Variants in DDX23 observed in about 807,000 individuals in gnomAD.
DDX23 encodes the protein DEAD-box helicase 23.
DDX23 carries 33 observed loss-of-function variants against 102.7 expected under a neutral mutation model. The ratio of observed to expected loss-of-function variants is 0.32; its 90% CI spans 0.24 to 0.43. The LOEUF (loss-of-function observed/expected upper bound fraction) is 0.43. Ranked by LOEUF, DDX23 falls within the 20% of genes least tolerant of loss-of-function variation. The pLI, the probability that DDX23 is intolerant of heterozygous loss-of-function variation, is 1.00. For missense variants in DDX23, 549 were observed against 1,086.6 expected (o/e 0.51, Z 6.96); for synonymous variants, 352 against 376.0 (o/e 0.94, Z 0.74).
At chr12:48,843,363 C>T (rs1007192585) in intron 3 of DDX23, among the ~76,000 whole-genome samples, 3 of 151,170 alleles carry the variant, frequency 2.0e-5, no homozygotes, top group African/African-American at 7.3e-5. Context: ...ACTCAGGAGG[C>T]TGAGGTGGGT....
At chr12:48,833,006 G>C in intron 13 of DDX23, 1 of 502,522 alleles carries the variant, frequency 2.0e-6, no homozygotes, top group Non-Finnish European at 3.5e-6. Context: ...TTTGAGACAG[G>C]GCCTCACTCT....
At chr12:48,841,535 C>A (rs1296171182) in intron 3 of DDX23, among the ~76,000 whole-genome samples, 1 of 152,220 alleles carries the variant, frequency 6.6e-6, no homozygotes, top group Non-Finnish European at 1.5e-5. Flanking sequence ...GTACTGCTGC[C>A]ATCTCGGCTC....
intron 1 of DDX23, among the ~76,000 whole-genome samples, chr12:48,849,711 TC>T (rs1236437268): frequency 1.3e-5 from 2 of 151,144 alleles, no homozygotes; most frequent in African/African-American, 4.9e-5. Context: ...ACACTTGTAA[TC>T]CTAGCACTTT....
Position 48,836,815 on chromosome 12 carries a change from T to C in DDX23, c.1011-21A>G. ...TTGCCCTGGAGCAGGGTGTGAGGAG[T>C]AAGTAGAATCAGTGCCCTCCAACTC... is the stretch of plus-strand genomic sequence containing the variant. On this transcript the variant is annotated intron_variant, in intron 9 of 16. Coordinates refer to ENST00000308025, the MANE Select transcript of DDX23 (RefSeq NM_004818.3). The surrounding 1 kb of genome is among the most constrained non-coding windows in gnomAD (Gnocchi z 6.1). The C allele has an allele frequency of 6.2e-7, 1 of 1,613,108 alleles. No homozygotes were observed. The highest frequency in any genetic ancestry group is 8.5e-7 in the Non-Finnish European group (1 of 1,179,266).
rs370861225 is a variant in DDX23 at position 48,845,328 on chromosome 12, G to A, written c.209+246C>T. The stretch of plus-strand genomic sequence containing the variant: ...TAGCCGGGCATGGTGTCGGGCGCCT[G>A]TAGTCCCAGCTACGCACTCAGGAGG... On this transcript the variant is annotated intron_variant, in intron 2 of 16. Coordinates refer to ENST00000308025, the MANE Select transcript of DDX23 (RefSeq NM_004818.3). Among the ~76,000 whole-genome samples the A allele has an allele frequency of 8.5e-5, 13 of 152,054 alleles. No individual in the cohort carries two copies. The East Asian group carries it at 2.5e-3, about 29-fold the overall frequency.
In DDX23 at chr12:48,836,171, G is replaced by A; in HGVS notation, c.1332C>T (p.Ala444=). ...TCCAGACCAGCAGAGGGATGAGGAA[G>A]GCTGCTGTCTTGCCACTGCCAGTCT... ...VAETGSGKTA[A]FLIPLLVWIT... is the part of the protein sequence containing the mutation. Residue 444 remains alanine (A), a synonymous_variant, in exon 11 of 17, where the codon GCC becomes GCT. Transcript: ENST00000308025. This position sits in a 1 kb window ranked among gnomAD's most constrained non-coding sequence, Gnocchi z 6.1. The A allele has an allele frequency of 6.2e-7, 1 of 1,613,726 alleles. No individual in the cohort carries two copies. Among genetic ancestry groups the A allele is most frequent in the Non-Finnish European group, 8.5e-7 (1 of 1,180,038 alleles).
intron 1 of DDX23, among the ~76,000 whole-genome samples, chr12:48,846,424 T>A (rs549978906): frequency 1.5e-3 from 223 of 152,332 alleles, no homozygotes; most frequent in African/African-American, 5.0e-3. Context: ...TTATTAGGTC[T>A]GCCAACCCAC....
chr12:48,848,522 G>A (rs1938706626), intron 1 of DDX23, among the ~76,000 whole-genome samples: 1 of 152,158 alleles, frequency 6.6e-6, no homozygotes, highest in African/African-American at 2.4e-5. Context: ...GAAAAGATCA[G>A]GGTAAAAAAC....
chr12:48,830,454 AG>A lies in DDX23; in HGVS notation c.*14del, dbSNP rs1938368048. The A allele has an allele frequency of 6.2e-7, 1 of 1,613,836 alleles. No individual in the cohort carries two copies. The highest frequency in any genetic ancestry group is 8.5e-7 in the Non-Finnish European group (1 of 1,179,778). ...AGCTTTGGAGATGCCCTCAGCCCAC[AG>A]GAAGAGTGCTGTGTCAGGCAAAGAT... On this transcript the variant is annotated 3_prime_UTR_variant, in exon 17 of 17. Transcript: ENST00000308025. The surrounding 1 kb of genome is among the most constrained non-coding windows in gnomAD (Gnocchi z 4.9).
At chr12:48,839,709 CCTG>C (rs1422518691) in intron 5 of DDX23, 132 bp downstream of exon 5, 1 of 834,448 alleles carries the variant, frequency 1.2e-6, no homozygotes, top group Non-Finnish European at 1.9e-6. Flanking sequence ...AAGAAATAAC[CCTG>C]CTGACACTCC....
At chr12:48,843,663 C>G (rs1033113374) in intron 3 of DDX23, among the ~76,000 whole-genome samples, 1 of 151,268 alleles carries the variant, frequency 6.6e-6, no homozygotes, top group Non-Finnish European at 1.5e-5. Context: ...ATTCTCCTAC[C>G]TCAGCCTCCT....
intron 3 of DDX23, among the ~76,000 whole-genome samples, chr12:48,842,711 CAGG>C (rs1405098999): frequency 6.6e-6 from 1 of 150,996 alleles, no homozygotes; most frequent in Admixed American, 6.6e-5. Flanking sequence ...CCGCCCCGTC[CAGG>C]AGGTGAGGGG....
At position 48,837,566 on chromosome 12, in the gene DDX23, G is replaced by A; in HGVS notation, c.711C>T (p.Ile237=). The stretch of plus-strand genomic sequence containing the variant: ...CCTTGCTCTTATCCTTCTCTTCCCG[G>A]ATCTTCTGCCGCCCTTCCTCATCCT... ...GNEDEEGRQK[I]REEKDKSKEL... The change falls in exon 7 of 17, where the codon ATC becomes ATT. Residue 237 remains isoleucine (I), a synonymous_variant. Transcript: ENST00000308025. 1 of 1,614,074 alleles carries A rather than the reference G, an allele frequency of 6.2e-7. No homozygotes were observed. Among genetic ancestry groups the A allele is most frequent in the South Asian group, 1.1e-5 (1 of 91,076 alleles).
Position 48,830,411 on chromosome 12 carries a change from G to A in DDX23, c.*58C>T. The A allele has an allele frequency of 6.3e-7, 1 of 1,588,836 alleles. No individual in the cohort carries two copies. The highest frequency in any genetic ancestry group is 1.1e-5 in the South Asian group (1 of 90,120). On this transcript the variant is annotated 3_prime_UTR_variant, in exon 17 of 17. Transcript: ENST00000308025. The surrounding 1 kb of genome is among the most constrained non-coding windows in gnomAD (Gnocchi z 4.9). ...CTGGAAAGAGGGATGTGAGGGTTCTGAAAAACAGGCATCAGGCAGCTTTGG... is the reference window on the plus strand; with the variant it reads ...CTGGAAAGAGGGATGTGAGGGTTCTAAAAAACAGGCATCAGGCAGCTTTGG...
chr12:48,835,946 T>C (rs184639809), intron 11 of DDX23, among the ~76,000 whole-genome samples, 175 bp downstream of exon 11: 2 of 152,246 alleles, frequency 1.3e-5, no homozygotes, highest in East Asian at 3.9e-4. Flanking sequence ...CTCCAGGTCT[T>C]TGCCAGCAAC....
chr12:48,837,199 T>A, intron 8 of DDX23, 82 bp downstream of exon 8: 1 of 1,558,254 alleles, frequency 6.4e-7, no homozygotes, highest in South Asian at 1.1e-5. Flanking sequence ...CAGCTTATCT[T>A]ACTTCCTCCA....
chr12:48,837,012 A>G lies in DDX23; in HGVS notation c.892T>C (p.Leu298=). 6.2e-7 allele frequency: 1 copy of G among 1,613,996 alleles called. No individual in the cohort carries two copies. The highest frequency in any genetic ancestry group is 8.5e-7 in the Non-Finnish European group (1 of 1,180,022). ...PLYKERHQVQ[L]LGRGFIAGID... ...CCTGCAATGAAGCCTCGCCCTAACA[A>G]CTGCACCTGGTGCCGTTCTTTGTAC... Residue 298 remains leucine (L), a synonymous_variant, in exon 9 of 17, where the codon TTG becomes CTG. Transcript: ENST00000308025.
intron 5 of DDX23, 67 bp from the exon 6 acceptor site, chr12:48,838,147 G>A (rs1298861293): frequency 8.1e-6 from 13 of 1,597,440 alleles, no homozygotes; most frequent in African/African-American, 1.3e-5. Flanking sequence ...CACTGATGGG[G>A]AGATGGCAGG....
Position 48,832,986 on chromosome 12 carries a change from T to TTTC in DDX23, c.1803+288_1803+290dup, listed in dbSNP as rs568313396. 51 of 471,202 alleles carry TTTC rather than the reference T, an allele frequency of 1.1e-4. 1 individual carries two copies. The highest frequency in any genetic ancestry group is 9.6e-4 in the South Asian group (41 of 42,598). The allele number at this position is 471,202 out of a possible 1,614,324, so 29.2% of individuals were successfully genotyped here. A position where few individuals can be genotyped will look rare whatever the true frequency, so the allele number is the denominator to read the frequency against. ...AGGAGGTTGGCAACCTTGTACAACTTTTCTTTTTTTTTGAGACAGGGCCTC... is the reference window on the plus strand; with the variant it reads ...AGGAGGTTGGCAACCTTGTACAACTTTTCTTCTTTTTTTTTGAGACAGGGCCTC... On this transcript the variant is annotated intron_variant, in intron 13 of 16. Coordinates refer to ENST00000308025, the MANE Select transcript of DDX23 (RefSeq NM_004818.3). The surrounding 1 kb of genome is among the most constrained non-coding windows in gnomAD (Gnocchi z 4.4).
Sources: allele counts gnomAD v4.1 joint callset (sites outside exome capture counted in the v4.1 genomes callset), GRCh38; gene constraint gnomAD v4.1.1; non-coding constraint Gnocchi (gnomAD v3.1); transcripts MANE v1.5; gene names NCBI Gene and HGNC (gene_info 2026-07-23, HGNC 2026-07-21).